Variants in DKK2 observed in about 807,000 individuals in gnomAD.
The protein encoded by DKK2 is dickkopf Wnt signaling pathway inhibitor 2.
DKK2 carries 11 observed loss-of-function variants against 28.1 expected under a neutral mutation model. That is an observed-to-expected ratio of 0.39 (90% confidence interval 0.25 to 0.65). The LOEUF (loss-of-function observed/expected upper bound fraction) is 0.65. Among genes scored for constraint, DKK2 ranks in the 30% least tolerant of loss-of-function variants. DKK2 has a pLI of 0.47. For synonymous variants in DKK2, 135 were observed against 126.5 expected, an observed-to-expected ratio of 1.07 and a Z score of -0.45; for missense variants, 326 against 335.5, an observed-to-expected ratio of 0.97 and a Z score of 0.22.
intron 1 of DKK2, among the ~76,000 whole-genome samples, chr4:106,968,162 AAGGAATGAATGC>A (rs1212706443): frequency 1.6e-3 from 246 of 151,888 alleles, no homozygotes; most frequent in Middle Eastern, 6.8e-3. Flanking sequence ...AAAAGGATGG[AAGGAATGAATGC>A]AGGAAGGAAT....
intron 1 of DKK2, among the ~76,000 whole-genome samples, chr4:106,927,700 G>T (rs1013054220): frequency 6.6e-6 from 1 of 151,058 alleles, no homozygotes; most frequent in Non-Finnish European, 1.5e-5. Flanking sequence ...ATCCCTTCCC[G>T]CCTTACCACA....
At chr4:106,953,036 T>G (rs553799515) in intron 1 of DKK2, among the ~76,000 whole-genome samples, 8 of 152,314 alleles carry the variant, frequency 5.3e-5, no homozygotes, top group Admixed American at 2.6e-4. Flanking sequence ...TTTGAATATC[T>G]GCTATAGTTG....
chr4:107,007,804 T>C (rs557485228), intron 1 of DKK2, among the ~76,000 whole-genome samples: 2 of 152,240 alleles, frequency 1.3e-5, no homozygotes, highest in African/African-American at 4.8e-5. Context: ...GTAGCTAAGC[T>C]TAGGAGCTGG....
At chr4:107,035,252 T>A in intron 1 of DKK2, 118 bp downstream of exon 1, 14 of 1,227,406 alleles carry the variant, frequency 1.1e-5, no homozygotes, top group Non-Finnish European at 1.6e-5. Context: ...CCCAGCCGCC[T>A]GTTCTCTGTA....
At chr4:106,935,493 C>A (rs1578347677) in intron 1 of DKK2, among the ~76,000 whole-genome samples, 1 of 152,344 alleles carries the variant, frequency 6.6e-6, no homozygotes, top group South Asian at 2.1e-4. Context: ...TGATTGCTAG[C>A]ACAGCAGTCT....
chr4:106,936,968 G>A (rs1406972463), intron 1 of DKK2, among the ~76,000 whole-genome samples: 5 of 151,268 alleles, frequency 3.3e-5, no homozygotes, highest in South Asian at 2.1e-4. Context: ...TGAAGGAAGC[G>A]CTAAACATGG....
intron 1 of DKK2, among the ~76,000 whole-genome samples, chr4:106,974,779 T>G (rs537861178): frequency 3.9e-5 from 6 of 152,326 alleles, no homozygotes; most frequent in African/African-American, 1.4e-4. Context: ...CAATACTATG[T>G]TGACTAGGAG....
chr4:107,016,506 C>G lies in DKK2; in HGVS notation c.222+18864G>C, dbSNP rs375822298. On this transcript the variant is annotated intron_variant, in intron 1 of 3. Coordinates refer to ENST00000285311, the MANE Select transcript of DKK2 (RefSeq NM_014421.3). ...TGCATAAATCTATTTTCTTAGAAAGCTCTGCTCTGTCCTTATATATCCTAT... is the reference window on the plus strand; with the variant it reads ...TGCATAAATCTATTTTCTTAGAAAGGTCTGCTCTGTCCTTATATATCCTAT... 5.9e-5 allele frequency among the ~76,000 whole-genome samples: 9 copies of G among 152,028 alleles called. 1 individual carries two copies. The highest frequency in any genetic ancestry group is 5.9e-4 in the Admixed American group (9 of 15,258).
At chr4:107,030,409 C>T (rs1481532829) in intron 1 of DKK2, among the ~76,000 whole-genome samples, 5 of 151,920 alleles carry the variant, frequency 3.3e-5, no homozygotes, top group Non-Finnish European at 7.4e-5. Flanking sequence ...CTACATAATG[C>T]AATATGTCTA....
chr4:106,949,240 C>G (rs778423006), intron 1 of DKK2, among the ~76,000 whole-genome samples: 18 of 152,214 alleles, frequency 1.2e-4, no homozygotes, highest in Admixed American at 2.0e-4. Flanking sequence ...CTTCTTTCTT[C>G]CTTTGATGTC....
chr4:106,958,585 C>T (rs536469401), intron 1 of DKK2, among the ~76,000 whole-genome samples: 1 of 151,908 alleles, frequency 6.6e-6, no homozygotes, highest in East Asian at 1.9e-4. Flanking sequence ...CCTGTAATCC[C>T]AGCAGTTTGA....
At chr4:106,980,571 CTTTG>C (rs1200275933) in intron 1 of DKK2, among the ~76,000 whole-genome samples, 2 of 151,982 alleles carry the variant, frequency 1.3e-5, no homozygotes, top group South Asian at 4.1e-4. Context: ...TGAGAATTTT[CTTTG>C]TTTGTTTGTT....
intron 1 of DKK2, among the ~76,000 whole-genome samples, chr4:107,004,749 T>C (rs1723412391): frequency 1.3e-5 from 2 of 152,338 alleles, no homozygotes; most frequent in East Asian, 1.9e-4. Context: ...CTGGGATATC[T>C]GGGAATTAAT....
At chr4:106,939,756 C>T (rs986313617) in intron 1 of DKK2, among the ~76,000 whole-genome samples, 1 of 152,156 alleles carries the variant, frequency 6.6e-6, no homozygotes, top group Non-Finnish European at 1.5e-5. Flanking sequence ...GATACCAAAA[C>T]AGAGATATAG....
chr4:106,975,275 T>C (rs1722925818), intron 1 of DKK2, among the ~76,000 whole-genome samples: 1 of 152,134 alleles, frequency 6.6e-6, no homozygotes, highest in Non-Finnish European at 1.5e-5. Flanking sequence ...TTAGTGAGGA[T>C]TTCCTGTTTT....
At chr4:106,999,822 A>T (rs1284012048) in intron 1 of DKK2, among the ~76,000 whole-genome samples, 1 of 152,210 alleles carries the variant, frequency 6.6e-6, no homozygotes, top group Admixed American at 6.5e-5. Context: ...TATTCTATAG[A>T]CATATAATGG....
Position 107,035,517 on chromosome 4 carries a change from G to A in DKK2, c.75C>T (p.Ser25=), listed in dbSNP as rs763746800. 3 of 1,614,198 alleles carry A rather than the reference G, an allele frequency of 1.9e-6. No homozygotes were observed. The change falls in exon 1 of 4, where the codon AGC becomes AGT. Residue 25 remains serine, a synonymous_variant. Coordinates refer to ENST00000285311, the MANE Select transcript of DKK2 (RefSeq NM_014421.3). ...TGGCCCGCGAACTGCCGATCTGTGA[G>A]CTCTCCACCATCAGCACCGCGGCCA... ...LLLAAVLMVE[S]SQIGSSRAKL...
intron 1 of DKK2, among the ~76,000 whole-genome samples, chr4:106,965,210 G>T (rs182371368): frequency 2.1e-5 from 3 of 144,600 alleles, no homozygotes; most frequent in Admixed American, 2.1e-4. Context: ...CACCACATAG[G>T]ATAGAAGTTT....
chr4:106,996,516 G>A (rs932776262), intron 1 of DKK2, among the ~76,000 whole-genome samples: 4 of 152,120 alleles, frequency 2.6e-5, no homozygotes, highest in African/African-American at 9.7e-5. Context: ...AGTCTTGAAG[G>A]CCACAACTAC....
Sources: gnomAD v4.1 joint callset for allele counts (sites outside exome capture counted in the v4.1 genomes callset) on GRCh38, gnomAD v4.1.1 for gene constraint, MANE v1.5 for transcripts, NCBI Gene and HGNC (gene_info 2026-07-23, HGNC 2026-07-21) for gene names.